Variants in ASIC5 observed in about 807,000 individuals in gnomAD.
The protein encoded by ASIC5 is acid sensing ion channel subunit family member 5, also known as bile acid-sensitive ion channel.
A neutral mutation model predicts 51.2 loss-of-function variants in ASIC5; 52 were observed. That is an observed-to-expected ratio of 1.02 (90% CI 0.81 to 1.28). The LOEUF is 1.28. ASIC5 is among the 50% of genes most tolerant of loss of function. The probability of loss-of-function intolerance (pLI) is 0.00; values close to 1 mark genes in which losing one functional copy is unlikely to be tolerated. For synonymous variants in ASIC5, 231 were observed against 200.7 expected (o/e 1.15, Z -1.28); for missense variants, 635 against 595.0 (o/e 1.07, Z -0.70).
intron 9 of ASIC5, 130 bp downstream of exon 9, chr4:155,831,694 C>T (rs1740873097): frequency 1.9e-6 from 1 of 530,736 alleles, no homozygotes; most frequent in Non-Finnish European, 3.4e-6. Flanking sequence ...TGGTGTGAAC[C>T]CCCTGGGAAG....
intron 2 of ASIC5, chr4:155,858,972 A>T (rs1199276145): frequency 6.6e-6 from 1 of 152,068 alleles, no homozygotes; most frequent in Non-Finnish European, 1.5e-5. Flanking sequence ...TTATATTCTC[A>T]GGGTGAAATT....
Position 155,838,837 on chromosome 4 carries a change from A to G in ASIC5, c.1042T>C (p.Phe348Leu). 1 of 1,587,476 alleles carries G rather than the reference A, an allele frequency of 6.3e-7. No individual in the cohort carries two copies. Among genetic ancestry groups the G allele is most frequent in the Non-Finnish European group, 8.6e-7 (1 of 1,157,344 alleles). ...YGIECDLQKY[F>L]SCVSPVLDHI... ...CCAAGTACAGGAGAAACACAGCTGA[A>G]GTACTTTTGTAGGTCACATTCTATC... Residue 348 changes from phenylalanine (F) to leucine (L), a missense_variant, in exon 7 of 10, where the codon TTC becomes CTC. Phe to Leu is a conservative substitution (Grantham distance 22). Transcript: ENST00000537611.
intron 4 of ASIC5, among the ~76,000 whole-genome samples, chr4:155,851,127 T>A (rs1195549365): frequency 1.3e-5 from 2 of 152,072 alleles, no homozygotes; most frequent in African/African-American, 4.8e-5. Flanking sequence ...GCATTGAATT[T>A]GTAGATGTTC....
At chr4:155,847,918 A>G (rs1741294055) in intron 4 of ASIC5, among the ~76,000 whole-genome samples, 1 of 152,202 alleles carries the variant, frequency 6.6e-6, no homozygotes, top group African/African-American at 2.4e-5. Flanking sequence ...CAATGATGCA[A>G]GACCAGCATA....
chr4:155,849,973 A>C (rs1741343598), intron 4 of ASIC5, among the ~76,000 whole-genome samples: 1 of 151,978 alleles, frequency 6.6e-6, no homozygotes. Context: ...CTCTTCATAG[A>C]ACATGAGACT....
chr4:155,843,852 G>C, intron 4 of ASIC5, 22 bp from the exon 5 acceptor site: 1 of 1,612,490 alleles, frequency 6.2e-7, no homozygotes, highest in Non-Finnish European at 8.5e-7. Context: ...ATATGTTTTT[G>C]CCCAAATTGC....
intron 7 of ASIC5, among the ~76,000 whole-genome samples, chr4:155,837,824 T>A (rs968598073): frequency 6.6e-6 from 1 of 151,794 alleles, no homozygotes; most frequent in Admixed American, 6.6e-5. Context: ...TATACTCTCA[T>A]GTACATAATA....
In ASIC5 at chr4:155,830,003, C is replaced by A. The variant is rs1385360643; in HGVS notation, c.1371G>T (p.Leu457=). The A allele has an allele frequency of 1.9e-6, 3 of 1,587,636 alleles. No individual in the cohort carries two copies. In the South Asian group the frequency reaches 3.5e-5, roughly 18 times the overall value. ...ATTCAATAATTTCTATGATCGTGAT[C>A]AGACTGGCCCCACAAAATAGACCCA... ...GQLGLFCGAS[L]ITIIEIIEYL... The change falls in exon 10 of 10, where the codon CTG becomes CTT. Residue 457 remains leucine (L), a synonymous_variant. Coordinates refer to ENST00000537611, the MANE Select transcript of ASIC5 (RefSeq NM_017419.3).
chr4:155,843,324 T>A (rs528515568), intron 5 of ASIC5, among the ~76,000 whole-genome samples: 1 of 152,238 alleles, frequency 6.6e-6, no homozygotes, highest in South Asian at 2.1e-4. Context: ...AACAGAAACC[T>A]ACCAGACCAG....
chr4:155,835,238 A>T lies in ASIC5; in HGVS notation c.1235+1451T>A, dbSNP rs190248828. Among the ~76,000 whole-genome samples, 103 of 152,200 alleles carry T rather than the reference A, an allele frequency of 6.8e-4. 1 individual carries two copies. Among genetic ancestry groups the T allele is most frequent in the Admixed American group, 4.6e-3 (71 of 15,300 alleles). On this transcript the variant is annotated intron_variant, in intron 8 of 9. Transcript: ENST00000537611. ...GGGTTGCAGGCACCCAATGCTAGAC[A>T]CTACCATGGGGTAGGAGCCCAAAGC...
At chr4:155,854,420 C>A in intron 2 of ASIC5, 106 bp from the exon 3 acceptor site, 1 of 835,032 alleles carries the variant, frequency 1.2e-6, no homozygotes, top group Non-Finnish European at 1.9e-6. Flanking sequence ...ATCTCCCACA[C>A]TCTCCCTTAT....
intron 4 of ASIC5, among the ~76,000 whole-genome samples, chr4:155,847,810 T>C (rs1247617855): frequency 6.6e-6 from 1 of 152,000 alleles, no homozygotes; most frequent in Admixed American, 6.6e-5. Flanking sequence ...GCCTAGGGAC[T>C]ATTGAGGAAG....
chr4:155,866,040 A>T, intron 1 of ASIC5, 147 bp downstream of exon 1: 1 of 455,264 alleles, frequency 2.2e-6, no homozygotes, highest in Non-Finnish European at 3.8e-6. Context: ...AAAACTATTC[A>T]TTTTTAAAAC....
chr4:155,841,487 A>G (rs1394595177), intron 6 of ASIC5, among the ~76,000 whole-genome samples: 4 of 152,224 alleles, frequency 2.6e-5, no homozygotes, highest in Non-Finnish European at 5.9e-5. Flanking sequence ...TAGAGCCGAC[A>G]TGAGCAGCCT....
chr4:155,854,223 T>C lies in ASIC5; in HGVS notation c.439A>G (p.Asn147Asp), dbSNP rs1034715138. ...GTAGCCTCTCTAGAGCCAGTGGAAT[T>C]GGCAGTAATTTCTTGAAGATGGAGG... ...KVLHLQEITA[N>D]STGSREATDF... The change falls in exon 3 of 10, where the codon AAT becomes GAT. Residue 147 changes from asparagine (N) to aspartate (D), a missense_variant. Asn to Asp is a conservative substitution (Grantham distance 23, BLOSUM62 1). Transcript: ENST00000537611. The C allele has an allele frequency of 2.5e-6, 4 of 1,613,204 alleles. No homozygotes were observed. The highest frequency in any genetic ancestry group is 1.7e-5 in the Admixed American group (1 of 59,856).
chr4:155,839,813 T>C (rs947080101), intron 6 of ASIC5, among the ~76,000 whole-genome samples: 3 of 151,242 alleles, frequency 2.0e-5, no homozygotes, highest in African/African-American at 4.8e-5. Context: ...TCTTCCATTA[T>C]AAAGAGCAAT....
chr4:155,833,943 A>AT (rs1740924528), intron 8 of ASIC5, among the ~76,000 whole-genome samples: 1 of 152,162 alleles, frequency 6.6e-6, no homozygotes, highest in Non-Finnish European at 1.5e-5. Context: ...TAAAAACTGA[A>AT]TTTTTTTATT....
intron 8 of ASIC5, among the ~76,000 whole-genome samples, chr4:155,836,221 A>G (rs1354373319): frequency 6.6e-6 from 1 of 152,202 alleles, no homozygotes; most frequent in Non-Finnish European, 1.5e-5. Flanking sequence ...TCTTGGGCAT[A>G]ACTTCTTTCT....
intron 9 of ASIC5, among the ~76,000 whole-genome samples, chr4:155,830,395 G>C (rs1005212434): frequency 6.6e-6 from 1 of 152,142 alleles, no homozygotes; most frequent in African/African-American, 2.4e-5. Context: ...GTGCCATCCA[G>C]AAGGCACTAC....
Sources: allele counts gnomAD v4.1 joint callset (sites outside exome capture counted in the v4.1 genomes callset), GRCh38; gene constraint gnomAD v4.1.1; transcripts MANE v1.5; gene names NCBI Gene and HGNC (gene_info 2026-07-23, HGNC 2026-07-21).